The following NEDD9 variants were observed in gnomAD, a reference collection of about 807,000 sequenced individuals.
The protein encoded by NEDD9 is neural precursor cell expressed, developmentally down-regulated 9.
In NEDD9, 26 loss-of-function variants were observed where a neutral mutation model predicts 76.6. That is an observed-to-expected ratio of 0.34 (90% CI 0.25 to 0.47). NEDD9 has a LOEUF of 0.47. NEDD9 is among the 20% of genes least tolerant of loss of function. NEDD9 has a pLI of 1.00. For synonymous variants in NEDD9, 392 were observed against 414.2 expected (o/e 0.95, Z 0.65); for missense variants, 937 against 1,058.5 (o/e 0.89, Z 1.59).
At chr6:11,229,232 A>G (rs113315411) in intron 1 of NEDD9, among the ~76,000 whole-genome samples, 41 of 152,380 alleles carry the variant, frequency 2.7e-4, no homozygotes, top group African/African-American at 9.6e-4. Context: ...AAAACGTTAA[A>G]GAATGAATTT....
At chr6:11,206,140 C>T (rs781277653) in intron 2 of NEDD9, among the ~76,000 whole-genome samples, 6 of 152,058 alleles carry the variant, frequency 3.9e-5, no homozygotes, top group Admixed American at 6.6e-5. Context: ...ACAACCAGGC[C>T]GGGCGTGATG....
chr6:11,190,765 C>T lies in NEDD9; in HGVS notation c.1104G>A (p.Leu368=). The T allele has an allele frequency of 6.2e-7, 1 of 1,614,156 alleles. No individual in the cohort carries two copies. The highest frequency in any genetic ancestry group is 1.6e-4 in the Middle Eastern group (1 of 6,062). Residue 368 remains leucine (L), a synonymous_variant, in exon 5 of 7, where the codon TTG becomes TTA. Transcript: ENST00000379446. This position sits in a 1 kb window ranked among gnomAD's most constrained non-coding sequence, Gnocchi z 5.8. ...SRDLVDGINR[L]SFSSTGSTRS... ...GGGTGCTGCCTGTACTGGAGAAAGA[C>T]AATCGGTTGATCCCATCCACCAAGT...
chr6:11,267,800 T>A (rs2113336169), intron 3 of NEDD9, among the ~76,000 whole-genome samples: 1 of 152,314 alleles, frequency 6.6e-6, no homozygotes, highest in East Asian at 1.9e-4. Context: ...AGTTCTCCAA[T>A]AAACTAATTA....
intron 1 of NEDD9, among the ~76,000 whole-genome samples, chr6:11,365,907 C>T (rs532802783): frequency 1.3e-5 from 2 of 152,264 alleles, no homozygotes; most frequent in South Asian, 4.1e-4. Context: ...TGGAGAATCA[C>T]TTGAGCCCAG....
rs181708703 is a variant in NEDD9, at chr6:11,342,249, G to C, written c.-213-7688C>G. Among the ~76,000 whole-genome samples, 384 of 151,610 alleles carry C rather than the reference G, an allele frequency of 2.5e-3. 1 individual carries two copies. The highest frequency in any genetic ancestry group is 8.8e-3 in the African/African-American group (364 of 41,438). On this transcript the variant is annotated intron_variant, in intron 1 of 3. Coordinates refer to the NEDD9 transcript ENST00000397378. ...TCTATTTGGTGTCCCAGAAGGAGGA[G>C]AGAGAGAGAGAGAGCAGAAAAAATA...
chr6:11,282,752 ATCTC>A (rs909119198), intron 3 of NEDD9, among the ~76,000 whole-genome samples: 1 of 152,024 alleles, frequency 6.6e-6, no homozygotes, highest in East Asian at 1.9e-4. Flanking sequence ...AGCCACCAAT[ATCTC>A]TCTCCTGAGC....
At chr6:11,362,150 C>T (rs892818446) in intron 1 of NEDD9, among the ~76,000 whole-genome samples, 1 of 152,074 alleles carries the variant, frequency 6.6e-6, no homozygotes, top group Non-Finnish European at 1.5e-5. Context: ...GATGTAGTGC[C>T]GTTATGAAAG....
intron 3 of NEDD9, among the ~76,000 whole-genome samples, chr6:11,277,652 T>C (rs1176642326): frequency 6.6e-6 from 1 of 152,128 alleles, no homozygotes; most frequent in Non-Finnish European, 1.5e-5. Context: ...TCTTAAAAAA[T>C]TGGACTTTTG....
At position 11,191,874 on chromosome 6, in the gene NEDD9, G is replaced by A. The variant is rs535015690; in HGVS notation, c.663+471C>T. 6.6e-5 allele frequency among the ~76,000 whole-genome samples: 10 copies of A among 152,292 alleles called. No homozygotes were observed. In the South Asian group the frequency reaches 8.3e-4, roughly 13 times the overall value. On this transcript the variant is annotated intron_variant, in intron 4 of 6. Transcript: ENST00000379446. Reference sequence around the variant, plus strand: ...ATAAAATTTATCCAGTCATGGTGGCGTGCACCTGTGGTCCCAGCTACTTGG... The same window carrying A: ...ATAAAATTTATCCAGTCATGGTGGCATGCACCTGTGGTCCCAGCTACTTGG...
chr6:11,357,216 C>A (rs1883235), intron 1 of NEDD9, among the ~76,000 whole-genome samples: 41,762 of 152,026 alleles, frequency 0.27, 5,927 homozygotes, highest in African/African-American at 0.33. Context: ...CTGCTCTAAC[C>A]CTTTACTCCT....
rs1739301369 is a variant in NEDD9, at chr6:11,213,363, G to A, written c.377C>T (p.Thr126Ile). 3 of 1,614,080 alleles carry A rather than the reference G, an allele frequency of 1.9e-6. No homozygotes were observed. The highest frequency in any genetic ancestry group is 2.5e-6 in the Non-Finnish European group (3 of 1,180,034). ...CACCTGATATACCTCTTGTTCTTGG[G>A]TGCCGTGGCCAGTGGGGACTTGGTA... ...GIYQVPTGHG[T>I]QEQEVYQVPP... is the part of the protein sequence containing the mutation. The change falls in exon 2 of 7, where the codon ACC (threonine) becomes ATC (isoleucine). Residue 126 changes from threonine (T) to isoleucine (I), a missense_variant. Coordinates refer to ENST00000379446, the MANE Select transcript of NEDD9 (RefSeq NM_006403.4). The surrounding 1 kb of genome is among the most constrained non-coding windows in gnomAD (Gnocchi z 5.4).
At chr6:11,233,413 T>C, upstream of NEDD9, 1 of 519,054 alleles carries the variant, frequency 1.9e-6, no homozygotes, top group Non-Finnish European at 3.8e-6. Flanking sequence ...AAAGGTTAGA[T>C]GTGACCTCTC....
chr6:11,327,527 C>T (rs951269373), intron 2 of NEDD9, among the ~76,000 whole-genome samples: 1 of 152,204 alleles, frequency 6.6e-6, no homozygotes, highest in African/African-American at 2.4e-5. Context: ...AGTCAATAGA[C>T]CTCGAAGTCT....
chr6:11,378,920 G>A (rs1399981834), intron 1 of NEDD9, among the ~76,000 whole-genome samples: 2 of 152,328 alleles, frequency 1.3e-5, no homozygotes, highest in East Asian at 1.9e-4. Flanking sequence ...TACTTAGGGT[G>A]GAACTACCAT....
intron 1 of NEDD9, among the ~76,000 whole-genome samples, chr6:11,225,928 G>A (rs886240794): frequency 4.2e-4 from 64 of 150,976 alleles, no homozygotes; most frequent in African/African-American, 1.4e-3. Context: ...CACTCCCTAC[G>A]TCAACCATGA....
At chr6:11,238,059 C>T (rs34369764) in intron 3 of NEDD9, among the ~76,000 whole-genome samples, 34,617 of 152,126 alleles carry the variant, frequency 0.23, 4,335 homozygotes, top group Non-Finnish European at 0.29. Context: ...TCCTCAAAGA[C>T]CAGCCATTGA....
intron 3 of NEDD9, among the ~76,000 whole-genome samples, chr6:11,287,517 C>T (rs954373747): frequency 3.9e-5 from 5 of 128,172 alleles, no homozygotes; most frequent in African/African-American, 2.0e-4. Context: ...TACAGTAGTG[C>T]ACAAATCCAC....
Position 11,259,701 on chromosome 6 carries a change from A to G in NEDD9, c.13-45974T>C, listed in dbSNP as rs114754890. Among the ~76,000 whole-genome samples the G allele has an allele frequency of 9.3e-3, 1,410 of 152,340 alleles. 19 individuals are homozygous for G. Among genetic ancestry groups the G allele is most frequent in the African/African-American group, 0.032 (1,326 of 41,572 alleles). On this transcript the variant is annotated intron_variant, in intron 3 of 3. Coordinates refer to the NEDD9 transcript ENST00000397378. ...ATATTCATTCACTTCCCTTGGAGTT[A>G]GAGAAACAAATTGTATCTTTAGGAA...
intron 2 of NEDD9, among the ~76,000 whole-genome samples, chr6:11,204,379 A>C (rs1026645289): frequency 4.6e-5 from 7 of 152,206 alleles, no homozygotes; most frequent in Non-Finnish European, 7.4e-5. Flanking sequence ...AGGTGCCCCC[A>C]CCTGGTTAAA....
Sources: gnomAD v4.1 joint callset for allele counts (sites outside exome capture counted in the v4.1 genomes callset) on GRCh38, gnomAD v4.1.1 for gene constraint, Gnocchi (gnomAD v3.1) non-coding constraint, MANE v1.5 for transcripts, NCBI Gene and HGNC (gene_info 2026-07-23, HGNC 2026-07-21) for gene names.